Variants in ITPR2 observed in about 807,000 individuals in gnomAD.
ITPR2 encodes inositol 1,4,5-trisphosphate-gated calcium channel ITPR2.
A neutral mutation model predicts 317.1 loss-of-function variants in ITPR2; 207 were observed. The observed-to-expected ratio is 0.65, with a 90% CI of 0.58 to 0.73. The LOEUF is 0.73. ITPR2 is among the 30% of genes least tolerant of loss of function. The pLI is 0.00. For synonymous variants in ITPR2, 1,156 were observed against 1,149.1 expected, an observed-to-expected ratio of 1.01 and a Z score of -0.12; for missense variants, 2,613 against 3,284.0, an observed-to-expected ratio of 0.80 and a Z score of 4.99.
At chr12:26,562,555 G>T (rs958298766) in intron 34 of ITPR2, among the ~76,000 whole-genome samples, 1 of 152,160 alleles carries the variant, frequency 6.6e-6, no homozygotes, top group Non-Finnish European at 1.5e-5. Context: ...AAGCATTTTT[G>T]CAAGGCAAAA....
At chr12:26,400,480 G>A (rs1940140230) in intron 52 of ITPR2, among the ~76,000 whole-genome samples, 2 of 151,966 alleles carry the variant, frequency 1.3e-5, no homozygotes, top group South Asian at 4.1e-4. Flanking sequence ...AAAAAGTGTA[G>A]CAAACTTACG....
chr12:26,567,984 A>ATATATATATATTATATATAT (rs1591910633), intron 34 of ITPR2, among the ~76,000 whole-genome samples: 4 of 10,798 alleles, frequency 3.7e-4, no homozygotes, highest in East Asian at 5.5e-4. Flanking sequence ...TATATTATAT[A>ATATATATATATTATATATAT]TATATATATA....
chr12:26,487,018 C>A, intron 40 of ITPR2, 50 bp downstream of exon 40: 1 of 1,458,336 alleles, frequency 6.9e-7, no homozygotes, highest in South Asian at 1.1e-5. Context: ...AAACGCTATT[C>A]CCCTCTTTTC....
intron 2 of ITPR2, among the ~76,000 whole-genome samples, chr12:26,751,138 T>C (rs1354877128): frequency 7.2e-5 from 11 of 152,190 alleles, no homozygotes; most frequent in Non-Finnish European, 1.5e-4. Context: ...TTATCCCCTA[T>C]TTTAGAACTT....
chr12:26,574,910 A>G (rs1378363630), intron 34 of ITPR2, among the ~76,000 whole-genome samples: 1 of 151,956 alleles, frequency 6.6e-6, no homozygotes, highest in Non-Finnish European at 1.5e-5. Context: ...CATTCATGAC[A>G]GATCTGTCCC....
Position 26,655,722 on chromosome 12 carries a change from T to C in ITPR2, c.2575A>G (p.Lys859Glu). Reference protein sequence around the residue: ...PFPFGDKEKNKLTFEVVHLAR... With the variant: ...PFPFGDKEKNELTFEVVHLAR... ...GGACAAAGTACCTCAAATGTCAGTT[T>C]ATTTTTTTCTTTATCCCCAAAAGGA... Residue 859 changes from lysine (K) to glutamate (E), a missense_variant, in exon 20 of 57, where the codon AAA becomes GAA. Lys to Glu is a moderately conservative substitution (Grantham distance 56). Coordinates refer to ENST00000381340, the MANE Select transcript of ITPR2 (RefSeq NM_002223.4). 1 of 1,613,406 alleles carries C rather than the reference T, an allele frequency of 6.2e-7. No homozygotes were observed. The highest frequency in any genetic ancestry group is 8.5e-7 in the Non-Finnish European group (1 of 1,179,556).
intron 26 of ITPR2, among the ~76,000 whole-genome samples, chr12:26,616,625 G>A (rs1482472878): frequency 2.0e-5 from 3 of 152,002 alleles, no homozygotes; most frequent in Admixed American, 6.6e-5. Context: ...AACATAAAAC[G>A]ATAGAGTATA....
chr12:26,689,145 A>G (rs1226819684), intron 10 of ITPR2, among the ~76,000 whole-genome samples: 1 of 152,218 alleles, frequency 6.6e-6, no homozygotes, highest in African/African-American at 2.4e-5. Flanking sequence ...GGCCAGGCAC[A>G]GTGGCTCATG....
At chr12:26,530,300 A>G (rs571034688) in intron 37 of ITPR2, among the ~76,000 whole-genome samples, 1 of 152,292 alleles carries the variant, frequency 6.6e-6, no homozygotes, top group South Asian at 2.1e-4. Flanking sequence ...AATTTTCTAC[A>G]CCTGAAGTCC....
intron 26 of ITPR2, among the ~76,000 whole-genome samples, chr12:26,619,690 A>G (rs1432990902): frequency 2.0e-5 from 3 of 152,204 alleles, no homozygotes; most frequent in Non-Finnish European, 4.4e-5. Flanking sequence ...CAGCTGATCC[A>G]TGATGACAAC....
intron 37 of ITPR2, among the ~76,000 whole-genome samples, chr12:26,541,198 T>C (rs1944250576): frequency 6.8e-6 from 1 of 147,130 alleles, no homozygotes; most frequent in African/African-American, 2.5e-5. Flanking sequence ...CCGCCTGTAA[T>C]CCCAGCTACT....
intron 52 of ITPR2, among the ~76,000 whole-genome samples, chr12:26,406,892 G>C (rs1322772273): frequency 6.6e-6 from 1 of 152,110 alleles, no homozygotes. Flanking sequence ...AAAAGTGTAT[G>C]GAAGAAACAG....
chr12:26,785,584 C>T (rs1950220865), intron 2 of ITPR2, among the ~76,000 whole-genome samples: 1 of 39,216 alleles, frequency 2.5e-5, no homozygotes, highest in African/African-American at 6.8e-5. Flanking sequence ...CCCGGCCAGC[C>T]GCCCCGTCCG....
At chr12:26,356,753 C>A (rs1938653379) in intron 55 of ITPR2, among the ~76,000 whole-genome samples, 1 of 152,140 alleles carries the variant, frequency 6.6e-6, no homozygotes, top group African/African-American at 2.4e-5. Context: ...TGCTACATTG[C>A]CCAGGCTGGT....
chr12:26,346,336 C>T lies in ITPR2; in HGVS notation c.7858-6008G>A, dbSNP rs960040912. ...GGTTGCAAGTGTCAAAAGTCAGCTG[C>T]GCTGGGCCAGGCACGGTGGCTCATG... is the stretch of plus-strand genomic sequence containing the variant. On this transcript the variant is annotated intron_variant, in intron 55 of 56. Transcript: ENST00000381340. 7.2e-5 allele frequency among the ~76,000 whole-genome samples: 11 copies of T among 152,104 alleles called. No individual in the cohort carries two copies. In the East Asian group the frequency reaches 1.2e-3, roughly 16 times the overall value.
intron 9 of ITPR2, among the ~76,000 whole-genome samples, chr12:26,696,913 G>C (rs922240023): frequency 6.6e-5 from 10 of 152,198 alleles, no homozygotes; most frequent in Admixed American, 1.3e-4. Flanking sequence ...GACTTTACAT[G>C]ACCAAACAGA....
intron 2 of ITPR2, among the ~76,000 whole-genome samples, chr12:26,745,958 A>G (rs1228651951): frequency 3.3e-5 from 5 of 152,192 alleles, no homozygotes; most frequent in Admixed American, 6.5e-5. Context: ...TCAGACTCCT[A>G]TAATACTTAC....
chr12:26,364,032 T>G (rs1443850272), intron 55 of ITPR2, among the ~76,000 whole-genome samples: 2 of 152,234 alleles, frequency 1.3e-5, no homozygotes, highest in Non-Finnish European at 2.9e-5. Context: ...CTAGCTTATG[T>G]GTCTGGCACT....
At chr12:26,813,995 G>A (rs1424666985) in intron 1 of ITPR2, among the ~76,000 whole-genome samples, 1 of 152,186 alleles carries the variant, frequency 6.6e-6, no homozygotes, top group East Asian at 1.9e-4. Flanking sequence ...GAAGAATGGA[G>A]AACTGCTCTT....
Sources: allele counts gnomAD v4.1 joint callset (sites outside exome capture counted in the v4.1 genomes callset), GRCh38; gene constraint gnomAD v4.1.1; transcripts MANE v1.5; gene names NCBI Gene and HGNC (gene_info 2026-07-23, HGNC 2026-07-21).